INO80: variants seen among roughly 807,000 people sequenced by gnomAD.
INO80 encodes chromatin-remodeling ATPase INO80.
In INO80, 20 loss-of-function variants were observed where a neutral mutation model predicts 203.4. The observed-to-expected ratio is 0.10, with a 90% CI of 0.07 to 0.14. INO80 has a LOEUF of 0.14. Ranked by LOEUF, INO80 falls within the 10% of genes least tolerant of loss-of-function variation. The pLI, the probability that INO80 is intolerant of heterozygous loss-of-function variation, is 1.00. For synonymous variants in INO80, 726 were observed against 685.2 expected (o/e 1.06, Z -0.93); for missense variants, 1,419 against 1,914.4 (o/e 0.74, Z 4.83).
At chr15:41,006,734 A>C (rs1194157883) in intron 27 of INO80, among the ~76,000 whole-genome samples, 2 of 152,218 alleles carry the variant, frequency 1.3e-5, no homozygotes, top group African/African-American at 2.4e-5. Flanking sequence ...TGTGAAGCGA[A>C]GCTGGTCAAC....
At chr15:41,096,527 G>A (rs1192327909) in intron 1 of INO80, among the ~76,000 whole-genome samples, 174 bp from the exon 2 acceptor site, 1 of 152,094 alleles carries the variant, frequency 6.6e-6, no homozygotes, top group East Asian at 1.9e-4. Context: ...GCCTCCTAAA[G>A]CAAAGGCAGA....
intron 24 of INO80, among the ~76,000 whole-genome samples, chr15:41,043,147 A>C (rs965065089): frequency 6.6e-6 from 1 of 152,342 alleles, no homozygotes; most frequent in South Asian, 2.1e-4. Context: ...CAGAAAACAG[A>C]GAAGAATACA....
At chr15:41,040,875 A>T (rs1270205337) in intron 24 of INO80, among the ~76,000 whole-genome samples, 1 of 152,206 alleles carries the variant, frequency 6.6e-6, no homozygotes, top group African/African-American at 2.4e-5. Flanking sequence ...ACAAATCATA[A>T]GAAAAATACA....
At position 41,072,584 on chromosome 15, in the gene INO80, T is replaced by TA. The variant is rs2045339657; in HGVS notation, c.1396-527_1396-526insT. Among the ~76,000 whole-genome samples the TA allele has an allele frequency of 2.2e-5, 3 of 134,916 alleles. No individual in the cohort carries two copies. In the Admixed American group the frequency reaches 2.5e-4, roughly 11 times the overall value. The allele number at this position is 134,916 out of a possible 152,430, so 88.5% of individuals were successfully genotyped here. ...AATAAAAAAAATTAGCTGGGTGTGG[T>TA]GGTGCGCACCTGTAGTCCCAGCTAC... On this transcript the variant is annotated intron_variant, in intron 11 of 35. Transcript: ENST00000648947.
chr15:40,999,014 AC>A (rs2043921048), intron 28 of INO80, among the ~76,000 whole-genome samples: 1 of 151,858 alleles, frequency 6.6e-6, no homozygotes, highest in East Asian at 1.9e-4. Flanking sequence ...ACACACACAC[AC>A]ACACAAATAA....
At chr15:40,982,341 G>T (rs1214742985) in intron 35 of INO80, among the ~76,000 whole-genome samples, 1 of 152,126 alleles carries the variant, frequency 6.6e-6, no homozygotes, top group Non-Finnish European at 1.5e-5. Flanking sequence ...TAGAGACAGG[G>T]TTTCCTCATG....
rs1566913846 is a variant in INO80, at chr15:41,020,965, G to C, written c.3209C>G (p.Pro1070Arg). 6.2e-7 allele frequency: 1 copy of C among 1,614,098 alleles called. No homozygotes were observed. Residue 1070 changes from proline to arginine, a missense_variant, in exon 26 of 36, where the codon CCA (proline) becomes CGA (arginine). Around this residue, in one of 9 missense-constraint regions of INO80, gnomAD observed 302 missense variants for 345.4 expected, o/e 0.87. Transcript: ENST00000648947. ...GCTCCACAGACCTCCAGCTGGCTCT[G>C]GGAAGAACTGTGATCGTCTATTTAG... Reference protein sequence around the residue: ...DWLNRRSQFFPEPAGGLWSIR... With the variant: ...DWLNRRSQFFREPAGGLWSIR...
chr15:41,003,942 T>G lies in INO80; in HGVS notation c.3497+1651A>C, dbSNP rs183340181. 2.7e-3 allele frequency among the ~76,000 whole-genome samples: 409 copies of G among 152,314 alleles called. 3 individuals are homozygous for G. The highest frequency in any genetic ancestry group is 0.013 in the South Asian group (61 of 4,824). On this transcript the variant is annotated intron_variant, in intron 28 of 35. Transcript: ENST00000648947. Reference sequence around the variant, plus strand: ...ACAGTCTATAGCTCGCACATAAGATTCTTGTCAAGTTGCAGCTCTGAGGCT... The same window carrying G: ...ACAGTCTATAGCTCGCACATAAGATGCTTGTCAAGTTGCAGCTCTGAGGCT...
rs879445268 is a variant in INO80, at chr15:41,071,628, A to AT, written c.1605+220dup. Among the ~76,000 whole-genome samples the AT allele has an allele frequency of 7.8e-4, 111 of 142,236 alleles. 1 individual carries two copies. Among genetic ancestry groups the AT allele is most frequent in the Admixed American group, 7.7e-4 (11 of 14,196 alleles). 93.3% of individuals were successfully genotyped at this position (142,236 alleles called of 152,430 possible). A position where few individuals can be genotyped will look rare whatever the true frequency, so the allele number is the denominator to read the frequency against. On this transcript the variant is annotated intron_variant, in intron 12 of 35. Transcript: ENST00000648947. The stretch of plus-strand genomic sequence containing the variant: ...CACCACCATGCCAGGCTAATTTTGT[A>AT]TTTTTTTTTTTTAGTAGAGATGGGG...
At chr15:41,078,226 T>C (rs1397970240) in intron 9 of INO80, among the ~76,000 whole-genome samples, 1 of 152,068 alleles carries the variant, frequency 6.6e-6, no homozygotes, top group Non-Finnish European at 1.5e-5. Flanking sequence ...CCTAAAGAAG[T>C]TAACTACCAT....
chr15:41,030,886 G>C (rs2044449745), intron 24 of INO80, among the ~76,000 whole-genome samples: 1 of 151,116 alleles, frequency 6.6e-6, no homozygotes, highest in Admixed American at 6.6e-5. Flanking sequence ...TGGCCCGGCT[G>C]GTCTCAAACT....
At chr15:41,051,882 C>A (rs2044879230) in intron 19 of INO80, among the ~76,000 whole-genome samples, 1 of 152,036 alleles carries the variant, frequency 6.6e-6, no homozygotes, top group Non-Finnish European at 1.5e-5. Flanking sequence ...CGCTTGAATC[C>A]GGCAGGCGGA....
intron 1 of INO80, among the ~76,000 whole-genome samples, chr15:41,100,747 T>G (rs548139529): frequency 6.6e-6 from 1 of 152,306 alleles, no homozygotes; most frequent in African/African-American, 2.4e-5. Context: ...ACTTACCATT[T>G]TAACCATTTT....
chr15:40,985,348 T>C lies in INO80; in HGVS notation c.3911A>G (p.Tyr1304Cys), dbSNP rs1482406219. The change falls in exon 32 of 36, where the codon TAT becomes TGT. Residue 1304 changes from tyrosine to cysteine, a missense_variant. Physicochemically the swap from Tyr to Cys is radical, Grantham distance 194. Coordinates refer to ENST00000648947, the MANE Select transcript of INO80 (RefSeq NM_017553.3). ...VKERKRKREKYAEKKKKEDEL... is the reference protein window; with the variant it reads ...VKERKRKREKCAEKKKKEDEL... ...CCAGGCTGGAAATACCTTCTCTGCA[T>C]ACTTTTCCCGCTTCCGCTTGCGCTC... The C allele has an allele frequency of 1.9e-6, 3 of 1,613,640 alleles. No individual in the cohort carries two copies. Among genetic ancestry groups the C allele is most frequent in the East Asian group, 4.5e-5 (2 of 44,878 alleles).
intron 1 of INO80, among the ~76,000 whole-genome samples, 199 bp from the exon 2 acceptor site, chr15:41,096,552 AAAG>A (rs767037136): frequency 1.3e-3 from 195 of 152,326 alleles, no homozygotes; most frequent in Non-Finnish European, 2.1e-3. Context: ...AAAAGGATAT[AAAG>A]AATATAAAAA....
At chr15:41,023,789 CAAAACG>C (rs1566915161) in intron 25 of INO80, among the ~76,000 whole-genome samples, 1 of 91,410 alleles carries the variant, frequency 1.1e-5, no homozygotes, top group Non-Finnish European at 2.3e-5. Context: ...AAAAACAAAA[CAAAACG>C]AAAAAAAGAA....
At chr15:41,108,358 G>A (rs2045911568) in intron 1 of INO80, among the ~76,000 whole-genome samples, 1 of 152,034 alleles carries the variant, frequency 6.6e-6, no homozygotes, top group African/African-American at 2.4e-5. Context: ...GGGAGGCCGA[G>A]GCAGGCGGAT....
At chr15:41,047,858 G>A (rs1399009670) in intron 22 of INO80, among the ~76,000 whole-genome samples, 1 of 152,208 alleles carries the variant, frequency 6.6e-6, no homozygotes, top group Non-Finnish European at 1.5e-5. Flanking sequence ...TTTGGACAAT[G>A]AGCAAAGCTG....
chr15:41,109,447 C>CA (rs1177957618), intron 1 of INO80, among the ~76,000 whole-genome samples: 4 of 151,008 alleles, frequency 2.6e-5, no homozygotes, highest in Non-Finnish European at 4.4e-5. Context: ...TAAGGCACTT[C>CA]AAAAAAAGTA....
Sources: allele counts gnomAD v4.1 joint callset (sites outside exome capture counted in the v4.1 genomes callset), GRCh38; gene constraint gnomAD v4.1.1; regional missense constraint gnomAD v4.1.1; transcripts MANE v1.5; gene names NCBI Gene and HGNC (gene_info 2026-07-23, HGNC 2026-07-21).